Variants in GET4 observed in about 807,000 individuals in gnomAD.
The protein encoded by GET4 is guided entry of tail-anchored proteins factor 4.
GET4 carries 20 observed loss-of-function variants against 40.0 expected under a neutral mutation model. The observed-to-expected ratio is 0.50, with a 90% CI of 0.35 to 0.73. The LOEUF (loss-of-function observed/expected upper bound fraction) is 0.73. GET4 is among the 30% of genes least tolerant of loss of function. The probability of loss-of-function intolerance (pLI) is 0.01; values close to 1 mark genes in which losing one functional copy is unlikely to be tolerated. For synonymous variants in GET4, 280 were observed against 194.6 expected, an observed-to-expected ratio of 1.44 and a Z score of -3.65; for missense variants, 557 against 454.0, an observed-to-expected ratio of 1.23 and a Z score of -2.06.
chr7:885,199 A>G (rs1014785965), intron 1 of GET4: 6 of 152,270 alleles, frequency 3.9e-5, no homozygotes, highest in African/African-American at 1.4e-4. Context: ...ATCTTTTGAT[A>G]ATAAGGCAGC....
At chr7:888,796 C>T (rs994445238) in intron 4 of GET4, among the ~76,000 whole-genome samples, 13 of 152,250 alleles carry the variant, frequency 8.5e-5, no homozygotes, top group African/African-American at 3.1e-4. Context: ...CGGCCGCAGA[C>T]AACCCTCCTG....
chr7:891,013 G>C lies in GET4; in HGVS notation c.552G>C (p.Thr184=), dbSNP rs150276017. 6.2e-7 allele frequency: 1 copy of C among 1,611,254 alleles called. No individual in the cohort carries two copies. Among genetic ancestry groups the C allele is most frequent in the East Asian group, 2.2e-5 (1 of 44,802 alleles). ...GCANMLVEYS[T]SRGFRSEVDM... ...CCAACATGCTGGTGGAGTATTCCAC[G>C]TCCCGCGGCTTCCGCAGCGAGGTGG... Residue 184 remains threonine (T), a synonymous_variant, in exon 5 of 9, where the codon ACG becomes ACC. Transcript: ENST00000265857.
chr7:894,982 T>C (rs1408081560), intron 8 of GET4, among the ~76,000 whole-genome samples: 1 of 151,804 alleles, frequency 6.6e-6, no homozygotes, highest in Admixed American at 6.5e-5. Flanking sequence ...AAAATCTCTT[T>C]CCGTGAGGTG....
intron 5 of GET4, among the ~76,000 whole-genome samples, chr7:891,611 T>C (rs1229511055): frequency 6.6e-6 from 1 of 152,200 alleles, no homozygotes; most frequent in Non-Finnish European, 1.5e-5. Context: ...TTCGCTTCCT[T>C]TCTCACGAAA....
Position 879,317 on chromosome 7 carries a change from C to T in GET4, c.155+2517C>T, listed in dbSNP as rs559170935. On this transcript the variant is annotated intron_variant, in intron 1 of 8. Coordinates refer to ENST00000265857, the MANE Select transcript of GET4 (RefSeq NM_015949.3). Reference sequence around the variant, plus strand: ...GGTGCCACGTGCTGGTGAGCCCAAGCGAAGGTGGACTCAGCAGCCCCAGCC... The same window carrying T: ...GGTGCCACGTGCTGGTGAGCCCAAGTGAAGGTGGACTCAGCAGCCCCAGCC... 3.9e-5 allele frequency among the ~76,000 whole-genome samples: 6 copies of T among 152,322 alleles called. No homozygotes were observed. In the East Asian group the frequency reaches 9.6e-4, roughly 24 times the overall value.
Position 887,790 on chromosome 7 carries a change from C to T in GET4, c.466+271C>T, listed in dbSNP as rs1844223577. ...CCTCAGGGAGGCAGCCGTGCCTTCA[C>T]GGGGCCTATGCGTGCTGCTGCTCCT... is the stretch of plus-strand genomic sequence containing the variant. On this transcript the variant is annotated intron_variant, in intron 4 of 8. Transcript: ENST00000265857. Among the ~76,000 whole-genome samples, 7 of 152,366 alleles carry T rather than the reference C, an allele frequency of 4.6e-5. No individual in the cohort carries two copies. In the South Asian group the frequency reaches 1.4e-3, roughly 32 times the overall value.
intron 6 of GET4, among the ~76,000 whole-genome samples, 193 bp from the exon 7 acceptor site, chr7:893,547 G>A (rs1844390380): frequency 6.9e-6 from 1 of 145,390 alleles, no homozygotes; most frequent in Non-Finnish European, 1.5e-5. Context: ...GGTGGTGTGT[G>A]CAGGTGAGTG....
rs376218277 is a variant in GET4, at chr7:895,396, G to C, written c.958G>C (p.Asp320His). The change falls in exon 9 of 9, where the codon GAC becomes CAC. Residue 320 changes from aspartate to histidine, a missense_variant. Transcript: ENST00000265857. ...GGAGGATGGGGAGGAGAGCCCCAGC[G>C]ACGGCAGCCCCATCGAGCTGGACTG... The part of the protein sequence containing the change: ...EQEDGEESPS[D>H]GSPIELD 57 of 1,592,440 alleles carry C rather than the reference G, an allele frequency of 3.6e-5. No individual in the cohort carries two copies. Among genetic ancestry groups the C allele is most frequent in the Non-Finnish European group, 4.6e-5 (54 of 1,162,096 alleles).
Position 895,326 on chromosome 7 carries a change from C to A in GET4, c.896-8C>A. 1.3e-6 allele frequency: 2 copies of A among 1,500,836 alleles called. No homozygotes were observed. The highest frequency in any genetic ancestry group is 1.8e-6 in the Non-Finnish European group (2 of 1,083,622). The allele number at this position is 1,500,836 out of a possible 1,614,324, so 93.0% of individuals were successfully genotyped here. On this transcript the variant is annotated splice_region_variant and splice_polypyrimidine_tract_variant and intron_variant, in intron 8 of 8. Coordinates refer to ENST00000265857, the MANE Select transcript of GET4 (RefSeq NM_015949.3). ...CAGGCGTGACTGCCACGGTGTTCTT[C>A]TTTCCAGGGAACCTTCTGACCAGCC...
At chr7:887,698 ACCCGAGAAGC>A (rs1227355972) in intron 4 of GET4, among the ~76,000 whole-genome samples, 179 bp downstream of exon 4, 1 of 152,110 alleles carries the variant, frequency 6.6e-6, no homozygotes, top group East Asian at 1.9e-4. Flanking sequence ...GAGCCACTGC[ACCCGAGAAGC>A]TGCGAGAAGG....
At position 884,492 on chromosome 7, in the gene GET4, T is replaced by C. The variant is rs1002233440; in HGVS notation, c.156-1564T>C. The C allele has an allele frequency of 6.9e-5, 39 of 567,362 alleles. No homozygotes were observed. In the African/African-American group the frequency reaches 7.4e-4, roughly 11 times the overall value. The allele number at this position is 567,362 out of a possible 1,614,324, so 35.1% of individuals were successfully genotyped here. On this transcript the variant is annotated intron_variant, in intron 1 of 8. Transcript: ENST00000265857. Reference sequence around the variant, plus strand: ...CTGACGGGGGTGCGGGGGCACTTTCTCTCTTGGGTGCGGGCTTTTCCCTCC... The same window carrying C: ...CTGACGGGGGTGCGGGGGCACTTTCCCTCTTGGGTGCGGGCTTTTCCCTCC...
intron 6 of GET4, among the ~76,000 whole-genome samples, chr7:892,850 G>A (rs536481914): frequency 1.3e-5 from 2 of 151,790 alleles, no homozygotes; most frequent in East Asian, 3.9e-4. Flanking sequence ...TCTGGTGTGG[G>A]TAGTTGGGGT....
At chr7:894,304 G>C (rs1189898508) in intron 8 of GET4, among the ~76,000 whole-genome samples, 1 of 152,168 alleles carries the variant, frequency 6.6e-6, no homozygotes, top group African/African-American at 2.4e-5. Context: ...GGTGTGCCCG[G>C]GACGCTGCCA....
Position 895,336 on chromosome 7 carries a change from A to G in GET4, c.898A>G (p.Asn300Asp). Reference protein sequence around the residue: ...QTSSYGGLLGNLLTSLMGSSE... With the variant: ...QTSSYGGLLGDLLTSLMGSSE... The stretch of plus-strand genomic sequence containing the variant: ...TGCCACGGTGTTCTTCTTTCCAGGG[A>G]ACCTTCTGACCAGCCTCATGGGCTC... Residue 300 changes from asparagine to aspartate, a missense_variant and splice_region_variant, in exon 9 of 9, where the codon AAC (asparagine) becomes GAC (aspartate). Asn to Asp is a conservative substitution (Grantham distance 23). Transcript: ENST00000265857. The G allele has an allele frequency of 6.5e-7, 1 of 1,540,472 alleles. No homozygotes were observed. The highest frequency in any genetic ancestry group is 8.9e-7 in the Non-Finnish European group (1 of 1,118,638).
chr7:887,607 C>T (rs1028867354), intron 4 of GET4, 88 bp downstream of exon 4: 2 of 1,058,800 alleles, frequency 1.9e-6, no homozygotes, highest in African/African-American at 1.6e-5. Flanking sequence ...GGGTCACCCA[C>T]CAGGGCAGAG....
rs1169184289 is a variant in GET4, at chr7:893,807, TACA to T, written c.817_819del (p.Asn273del). The T allele has an allele frequency of 6.2e-7, 1 of 1,610,372 alleles. No homozygotes were observed. Among genetic ancestry groups the T allele is most frequent in the Middle Eastern group, 1.7e-4 (1 of 6,046 alleles). The stretch of plus-strand genomic sequence containing the variant: ...GCCATCCCTCCGGCGGGACCCCATG[TACA>T]ACGAGGTGAGAGCTTGGGGCTGGGG... On this transcript the variant is annotated inframe_deletion, in exon 7 of 9. Coordinates refer to ENST00000265857, the MANE Select transcript of GET4 (RefSeq NM_015949.3).
chr7:892,654 C>T (rs200575417), intron 6 of GET4, among the ~76,000 whole-genome samples: 2 of 50,756 alleles, frequency 3.9e-5, no homozygotes, highest in Middle Eastern at 0.021. Flanking sequence ...CAAGTGTAGA[C>T]ATGGCGTGGG....
At chr7:887,902 C>T (rs777392118) in intron 4 of GET4, among the ~76,000 whole-genome samples, 2 of 151,992 alleles carry the variant, frequency 1.3e-5, no homozygotes, top group Non-Finnish European at 2.9e-5. Flanking sequence ...GAAGCCTTTG[C>T]GGGGATTAAT....
At chr7:893,135 GTGTGCAGGTGA>G in intron 6 of GET4, among the ~76,000 whole-genome samples, 1 of 136,228 alleles carries the variant, frequency 7.3e-6, no homozygotes, top group Non-Finnish European at 1.6e-5. Flanking sequence ...TAGGCGTGGT[GTGTGCAGGTGA>G]GTGTTGGGTG....
Sources: allele counts gnomAD v4.1 joint callset (sites outside exome capture counted in the v4.1 genomes callset), GRCh38; gene constraint gnomAD v4.1.1; transcripts MANE v1.5; gene names NCBI Gene and HGNC (gene_info 2026-07-23, HGNC 2026-07-21).